Variants in HDHD2 observed in about 807,000 individuals in gnomAD.
HDHD2 encodes the protein haloacid dehalogenase-like hydrolase domain-containing protein 2.
A neutral mutation model predicts 24.8 loss-of-function variants in HDHD2; 26 were observed. That is an observed-to-expected ratio of 1.05 (90% CI 0.77 to 1.45). The LOEUF (loss-of-function observed/expected upper bound fraction) is 1.45. Among genes scored for constraint, HDHD2 ranks in the 40% most tolerant of loss-of-function variants. The probability of loss-of-function intolerance (pLI) is 0.00; values close to 1 mark genes in which losing one functional copy is unlikely to be tolerated. For synonymous variants in HDHD2, 128 were observed against 114.9 expected (o/e 1.11, Z -0.73); for missense variants, 299 against 313.4 (o/e 0.95, Z 0.35).
At chr18:47,137,256 C>A (rs1006510614) in intron 1 of HDHD2, 16 of 560,758 alleles carry the variant, frequency 2.9e-5, no homozygotes, top group Non-Finnish European at 4.7e-5. Flanking sequence ...GAAATGGAGG[C>A]TGAAGATACA....
At chr18:47,143,571 T>C in intron 1 of HDHD2, among the ~76,000 whole-genome samples, 1 of 152,350 alleles carries the variant, frequency 6.6e-6, no homozygotes, top group Non-Finnish European at 1.5e-5. Context: ...CTAGAAATGA[T>C]AAGAAATGTT....
intron 1 of HDHD2, among the ~76,000 whole-genome samples, chr18:47,148,509 G>A (rs1486155927): frequency 6.6e-6 from 1 of 152,176 alleles, no homozygotes; most frequent in Non-Finnish European, 1.5e-5. Context: ...CATATTCAAT[G>A]CAAAGAAGAA....
chr18:47,113,575 T>C (rs761597769), intron 5 of HDHD2, among the ~76,000 whole-genome samples: 16 of 152,120 alleles, frequency 1.1e-4, no homozygotes, highest in Non-Finnish European at 1.8e-4. Flanking sequence ...AACAGATCAG[T>C]CTGAAAAAGA....
chr18:47,118,327 A>G (rs117790209), intron 4 of HDHD2, among the ~76,000 whole-genome samples: 1,568 of 152,336 alleles, frequency 0.01, 15 homozygotes, highest in South Asian at 0.022. Context: ...ATTAGTCACA[A>G]AAGAAAAGAC....
At chr18:47,123,284 T>C (rs1052388703) in intron 4 of HDHD2, among the ~76,000 whole-genome samples, 1 of 152,134 alleles carries the variant, frequency 6.6e-6, no homozygotes, top group African/African-American at 2.4e-5. Context: ...AGCAAATAAA[T>C]ATGAAATTTA....
At chr18:47,117,797 T>C (rs1159707802) in intron 4 of HDHD2, among the ~76,000 whole-genome samples, 2 of 151,930 alleles carry the variant, frequency 1.3e-5, no homozygotes, top group African/African-American at 4.8e-5. Flanking sequence ...AGAGACTCCA[T>C]CTCTAAAAAT....
rs544005816 is a variant in HDHD2, at chr18:47,147,591, A to T, written c.-11+2787T>A. 5.9e-5 allele frequency among the ~76,000 whole-genome samples: 9 copies of T among 152,358 alleles called. No homozygotes were observed. The South Asian group carries it at 1.9e-3, about 32-fold the overall frequency. ...TTATGGGAGATATCTAATATTCAAGAAGAAACGTTACCTCTGAAGGTGATT... is the reference window on the plus strand; with the variant it reads ...TTATGGGAGATATCTAATATTCAAGTAGAAACGTTACCTCTGAAGGTGATT... On this transcript the variant is annotated intron_variant, in intron 1 of 6. Coordinates refer to ENST00000300605, the MANE Select transcript of HDHD2 (RefSeq NM_032124.5).
chr18:47,131,140 GCT>G (rs777773243), intron 3 of HDHD2, among the ~76,000 whole-genome samples: 2 of 151,960 alleles, frequency 1.3e-5, no homozygotes, highest in Non-Finnish European at 2.9e-5. Context: ...ACCACACCCG[GCT>G]AATTTTGTAT....
chr18:47,137,160 G>T (rs902112097), intron 1 of HDHD2: 12 of 718,148 alleles, frequency 1.7e-5, no homozygotes, highest in South Asian at 1.6e-4. Context: ...AAAGACTATT[G>T]TGAATGACAG....
At chr18:47,136,983 G>A (rs1396213092) in intron 1 of HDHD2, 16 of 577,776 alleles carry the variant, frequency 2.8e-5, no homozygotes, top group Middle Eastern at 5.2e-4. Context: ...TACCTCTTTT[G>A]TGAAGTGGCA....
In HDHD2 at chr18:47,108,394, T is replaced by C; in HGVS notation, c.*288A>G. 3.6e-6 allele frequency: 1 copy of C among 276,086 alleles called. No homozygotes were observed. Among genetic ancestry groups the C allele is most frequent in the Non-Finnish European group, 6.7e-6 (1 of 149,438 alleles). The allele number at this position is 276,086 out of a possible 1,614,324, so 17.1% of individuals were successfully genotyped here. ...GAACACTCTTCCCTGTAGTAGCTTT[T>C]CCCCCACAGCCCCACCTAACCTGAT... On this transcript the variant is annotated 3_prime_UTR_variant, in exon 7 of 7. Coordinates refer to ENST00000300605, the MANE Select transcript of HDHD2 (RefSeq NM_032124.5).
At chr18:47,136,853 T>C (rs372749116) in intron 1 of HDHD2, among the ~76,000 whole-genome samples, 1 of 152,224 alleles carries the variant, frequency 6.6e-6, no homozygotes, top group Non-Finnish European at 1.5e-5. Context: ...TCTTTGGTTA[T>C]GTATAATGCA....
chr18:47,131,787 G>A (rs1041071135), intron 3 of HDHD2, among the ~76,000 whole-genome samples: 1 of 151,984 alleles, frequency 6.6e-6, no homozygotes, highest in African/African-American at 2.4e-5. Context: ...TAAGACTCCT[G>A]AACGCAGTTT....
At chr18:47,112,516 G>A (rs1236185083) in intron 6 of HDHD2, among the ~76,000 whole-genome samples, 1 of 152,134 alleles carries the variant, frequency 6.6e-6, no homozygotes, top group African/African-American at 2.4e-5. Context: ...CAAACGGTAA[G>A]TAAAGAGAAA....
chr18:47,129,205 C>T (rs1404773262), intron 4 of HDHD2, among the ~76,000 whole-genome samples: 1 of 152,166 alleles, frequency 6.6e-6, no homozygotes, highest in African/African-American at 2.4e-5. Context: ...GTCACAATCT[C>T]ATTCTACGGC....
intron 4 of HDHD2, among the ~76,000 whole-genome samples, chr18:47,127,926 G>C (rs754220259): frequency 8.5e-5 from 13 of 152,114 alleles, no homozygotes; most frequent in Non-Finnish European, 1.0e-4. Context: ...AATGTTTATT[G>C]TCATTATCAG....
At chr18:47,122,158 C>T (rs1456634468) in intron 4 of HDHD2, among the ~76,000 whole-genome samples, 1 of 152,122 alleles carries the variant, frequency 6.6e-6, no homozygotes, top group Non-Finnish European at 1.5e-5. Context: ...AATGTTTATT[C>T]AATAAATTAA....
chr18:47,136,214 G>T lies in HDHD2; in HGVS notation c.101+125C>A, dbSNP rs1400276420. ...CATACATCTTCTAGCTAAACCCAAG[G>T]CAGTTCCTATATATGGTTAAGATGG... On this transcript the variant is annotated intron_variant, in intron 2 of 6. Transcript: ENST00000300605. 8 of 1,152,650 alleles carry T rather than the reference G, an allele frequency of 6.9e-6. No homozygotes were observed. The African/African-American group carries it at 9.3e-5, about 13-fold the overall frequency. 71.4% of individuals were successfully genotyped at this position (1,152,650 alleles called of 1,614,324 possible). A position where few individuals can be genotyped will look rare whatever the true frequency, so the allele number is the denominator to read the frequency against.
chr18:47,118,323 C>G (rs2063573849), intron 4 of HDHD2, among the ~76,000 whole-genome samples: 1 of 152,058 alleles, frequency 6.6e-6, no homozygotes, highest in Non-Finnish European at 1.5e-5. Flanking sequence ...CAGCATTAGT[C>G]ACAAAAGAAA....
Sources: gnomAD v4.1 joint callset for allele counts (sites outside exome capture counted in the v4.1 genomes callset) on GRCh38, gnomAD v4.1.1 for gene constraint, MANE v1.5 for transcripts, NCBI Gene and HGNC (gene_info 2026-07-23, HGNC 2026-07-21) for gene names.